CADPS2: variants seen among roughly 807,000 people sequenced by gnomAD.
CADPS2 encodes the protein calcium-dependent secretion activator 2.
Under a neutral mutation model 172.5 loss-of-function variants are expected in CADPS2, and 93 were observed. The ratio of observed to expected loss-of-function variants is 0.54; its 90% CI spans 0.46 to 0.64. The LOEUF (loss-of-function observed/expected upper bound fraction) is 0.64. Among genes scored for constraint, CADPS2 ranks in the 30% least tolerant of loss-of-function variants. CADPS2 has a pLI of 0.00. For synonymous variants in CADPS2, 546 were observed against 555.2 expected (o/e 0.98, Z 0.23); for missense variants, 1,420 against 1,565.9 (o/e 0.91, Z 1.57).
intron 8 of CADPS2, among the ~76,000 whole-genome samples, chr7:122,534,531 T>C (rs1306840762): frequency 6.6e-6 from 1 of 152,026 alleles, no homozygotes; most frequent in Non-Finnish European, 1.5e-5. Flanking sequence ...ACTTACAAAC[T>C]GATACAATTC....
At chr7:122,740,798 A>C (rs915832117) in intron 1 of CADPS2, among the ~76,000 whole-genome samples, 1 of 152,174 alleles carries the variant, frequency 6.6e-6, no homozygotes, top group African/African-American at 2.4e-5. Context: ...CCATATAGAG[A>C]GTTCCTAGAA....
chr7:122,777,056 C>T (rs1210249353), intron 1 of CADPS2, among the ~76,000 whole-genome samples: 4 of 152,074 alleles, frequency 2.6e-5, no homozygotes. Flanking sequence ...GAGGTTGAGG[C>T]AGAAAGACTG....
intron 3 of CADPS2, among the ~76,000 whole-genome samples, chr7:122,644,133 G>T (rs2078030806): frequency 6.6e-6 from 1 of 151,930 alleles, no homozygotes; most frequent in Non-Finnish European, 1.5e-5. Flanking sequence ...CGAAGGAAAA[G>T]AATATAAGAC....
chr7:122,854,880 A>G (rs577576246), intron 1 of CADPS2, among the ~76,000 whole-genome samples: 51 of 152,366 alleles, frequency 3.3e-4, no homozygotes, highest in Middle Eastern at 3.4e-3. Flanking sequence ...AAAAGGAATC[A>G]TGCCCTTCAA....
At chr7:122,664,064 CAAAAAAAAA>C (rs541690772) in intron 2 of CADPS2, among the ~76,000 whole-genome samples, 1 of 84,882 alleles carries the variant, frequency 1.2e-5, no homozygotes, top group Non-Finnish European at 2.2e-5. Context: ...TGTTTATAAG[CAAAAAAAAA>C]AAAAAAAAAA....
chr7:122,624,632 T>A (rs540456350), intron 4 of CADPS2, among the ~76,000 whole-genome samples: 1 of 152,216 alleles, frequency 6.6e-6, no homozygotes, highest in Non-Finnish European at 1.5e-5. Flanking sequence ...GATTCAGTTA[T>A]CCTTACCATA....
rs553979158 is a variant in CADPS2, at chr7:122,826,907, C to A, written c.339+59092G>T. On this transcript the variant is annotated intron_variant, in intron 1 of 29. Transcript: ENST00000449022. ...AGAAAAAGAATAAATTCAAAGCAAG[C>A]AAAAGGAAGGAAATAATAAACATAA... Among the ~76,000 whole-genome samples, 139 of 151,488 alleles carry A rather than the reference C, an allele frequency of 9.2e-4. 2 individuals carry two copies. In the South Asian group the frequency reaches 0.028, roughly 30 times the overall value.
chr7:122,559,498 C>T (rs973345443), intron 7 of CADPS2, among the ~76,000 whole-genome samples: 12 of 152,042 alleles, frequency 7.9e-5, no homozygotes, highest in South Asian at 6.2e-4. Flanking sequence ...GGGCCAGGTG[C>T]GGTGGCTCAT....
At chr7:122,680,970 T>C (rs1015280349) in intron 2 of CADPS2, among the ~76,000 whole-genome samples, 18 of 151,706 alleles carry the variant, frequency 1.2e-4, no homozygotes, top group African/African-American at 4.1e-4. Flanking sequence ...TGAGTTCATG[T>C]CCTTTGTAGG....
At chr7:122,559,662 T>C (rs1055104733) in intron 7 of CADPS2, among the ~76,000 whole-genome samples, 1 of 150,616 alleles carries the variant, frequency 6.6e-6, no homozygotes, top group South Asian at 2.1e-4. Context: ...TCCCAGCTAC[T>C]TGGGAGGCTG....
chr7:122,446,099 G>A (rs748955198), intron 15 of CADPS2, among the ~76,000 whole-genome samples: 12 of 152,252 alleles, frequency 7.9e-5, no homozygotes, highest in East Asian at 3.9e-4. Context: ...TATGTTAGCC[G>A]TAGGTCTACC....
intron 8 of CADPS2, among the ~76,000 whole-genome samples, chr7:122,533,348 T>G (rs2061949240): frequency 6.6e-6 from 1 of 152,268 alleles, no homozygotes; most frequent in South Asian, 2.1e-4. Context: ...TGTATGTAAC[T>G]CTCTACCTAG....
rs1274549280 is a variant in CADPS2, at chr7:122,491,388, A to G, written c.1575T>C (p.Tyr525=). 3 of 1,610,780 alleles carry G rather than the reference A, an allele frequency of 1.9e-6. No homozygotes were observed. The African/African-American group carries it at 4.0e-5, about 22-fold the overall frequency. Residue 525 remains tyrosine, a synonymous_variant, in exon 10 of 30, where the codon TAT becomes TAC. Transcript: ENST00000449022. ...VSQYTFAMCS[Y]REKKSEPQEL... ...CTTGTGGTTCAGACTTCTTTTCTCT[A>G]TAACTGCACATAGCAAAGGTATATT...
chr7:122,678,566 G>A (rs1407550040), intron 2 of CADPS2, among the ~76,000 whole-genome samples: 2 of 152,166 alleles, frequency 1.3e-5, no homozygotes, highest in Non-Finnish European at 2.9e-5. Context: ...CAGGTGTGTG[G>A]GAAATGGTCC....
chr7:122,576,614 T>A (rs766268443), intron 7 of CADPS2, among the ~76,000 whole-genome samples: 6 of 152,158 alleles, frequency 3.9e-5, no homozygotes, highest in Non-Finnish European at 7.3e-5. Flanking sequence ...CTGATATGGT[T>A]AGGCTTTGTG....
intron 6 of CADPS2, among the ~76,000 whole-genome samples, chr7:122,605,206 CAGTG>C (rs1489540722): frequency 2.6e-5 from 4 of 152,182 alleles, no homozygotes; most frequent in African/African-American, 7.2e-5. Flanking sequence ...CTAGGTGAGT[CAGTG>C]AGTAAGTGGT....
chr7:122,852,404 T>C (rs531882804), intron 1 of CADPS2, among the ~76,000 whole-genome samples: 1 of 152,164 alleles, frequency 6.6e-6, no homozygotes, highest in East Asian at 1.9e-4. Flanking sequence ...GGGAAGATAA[T>C]GAATGTGTTG....
chr7:122,672,838 C>T (rs1270398259), intron 2 of CADPS2, among the ~76,000 whole-genome samples: 3 of 152,162 alleles, frequency 2.0e-5, no homozygotes, highest in African/African-American at 7.2e-5. Flanking sequence ...CCACTGTGTC[C>T]GGAATTGGTG....
chr7:122,779,598 A>G (rs1365077285), intron 1 of CADPS2, among the ~76,000 whole-genome samples: 1 of 152,150 alleles, frequency 6.6e-6, no homozygotes, highest in Non-Finnish European at 1.5e-5. Context: ...TCTAAACTAC[A>G]ATACTCATCC....
Sources: allele counts gnomAD v4.1 joint callset (sites outside exome capture counted in the v4.1 genomes callset), GRCh38; gene constraint gnomAD v4.1.1; transcripts MANE v1.5; gene names NCBI Gene and HGNC (gene_info 2026-07-23, HGNC 2026-07-21).